Variants in FYCO1 observed in about 807,000 individuals in gnomAD.
The protein encoded by FYCO1 is FYVE and coiled-coil domain-containing protein 1.
Under a neutral mutation model 165.1 loss-of-function variants are expected in FYCO1, and 122 were observed. The observed-to-expected ratio is 0.74, with a 90% CI of 0.64 to 0.86. The LOEUF (loss-of-function observed/expected upper bound fraction) is 0.86, where lower values mean the gene tolerates loss of function less well. Ranked by LOEUF, FYCO1 falls within the 40% of genes least tolerant of loss-of-function variation. FYCO1 has a pLI of 0.00. For synonymous variants in FYCO1, 648 were observed against 742.5 expected (o/e 0.87, Z 2.07); for missense variants, 1,702 against 1,810.3 (o/e 0.94, Z 1.09).
intron 14 of FYCO1, among the ~76,000 whole-genome samples, chr3:45,937,738 G>A (rs1395984874): frequency 6.6e-6 from 1 of 152,202 alleles, no homozygotes; most frequent in East Asian, 1.9e-4. Context: ...TGCCACCAGG[G>A]GCATGTCTTG....
At chr3:45,940,412 G>A (rs754686038) in intron 14 of FYCO1, among the ~76,000 whole-genome samples, 5 of 152,178 alleles carry the variant, frequency 3.3e-5, no homozygotes, top group Admixed American at 1.3e-4. Context: ...CAGTTTAACC[G>A]GTATGTGACC....
chr3:45,925,226 C>G (rs951008247), intron 16 of FYCO1, among the ~76,000 whole-genome samples: 2 of 148,362 alleles, frequency 1.3e-5, no homozygotes. Flanking sequence ...CGGCGCCCAG[C>G]CCTTACATTT....
chr3:45,968,721 A>G lies in FYCO1; in HGVS notation c.631-18T>C, dbSNP rs764961259. ...TCTTGAGTCTGGGAGGGAAAACACA[A>G]AAGACAAGTGGCTTTAGGATGAAGC... On this transcript the variant is annotated intron_variant, in intron 7 of 17. Coordinates refer to ENST00000296137, the MANE Select transcript of FYCO1 (RefSeq NM_024513.4). The G allele has an allele frequency of 1.7e-5, 28 of 1,614,048 alleles. No individual in the cohort carries two copies. In the East Asian group the frequency reaches 4.9e-4, roughly 28 times the overall value.
rs1706147925 is a variant in FYCO1 at position 45,967,636 on chromosome 3, C to T, written c.1698G>A (p.Val566=). 1.2e-6 allele frequency: 2 copies of T among 1,613,808 alleles called. No homozygotes were observed. Among genetic ancestry groups the T allele is most frequent in the Non-Finnish European group, 1.7e-6 (2 of 1,180,028 alleles). ...CCAGGGCCTCATTCTTCTCACCTGC[C>T]ACTGGCAGTTCTGGGCCAGGCGGCC... ...LAGPPGPELP[V]AGEKNEALVP... The change falls in exon 8 of 18, where the codon GTG becomes GTA. Residue 566 remains valine, a synonymous_variant. Coordinates refer to ENST00000296137, the MANE Select transcript of FYCO1 (RefSeq NM_024513.4).
intron 5 of FYCO1, among the ~76,000 whole-genome samples, chr3:45,974,592 G>A (rs574695362): frequency 6.6e-6 from 1 of 152,150 alleles, no homozygotes; most frequent in African/African-American, 2.4e-5. Flanking sequence ...TACTCCAAAA[G>A]GAAAGGGGCC....
At chr3:45,929,517 G>A (rs151115997) in intron 16 of FYCO1, among the ~76,000 whole-genome samples, 39 of 152,310 alleles carry the variant, frequency 2.6e-4, no homozygotes, top group Middle Eastern at 3.4e-3. Flanking sequence ...GGGGCCTGGT[G>A]GGTCTGGGGA....
In FYCO1 at chr3:45,958,587, C is replaced by T. The variant is rs755841362; in HGVS notation, c.3620G>A (p.Cys1207Tyr). The T allele has an allele frequency of 3.1e-6, 5 of 1,614,120 alleles. No individual in the cohort carries two copies. The highest frequency in any genetic ancestry group is 4.2e-6 in the Non-Finnish European group (5 of 1,180,054). Residue 1207 changes from cysteine to tyrosine, a missense_variant, in exon 13 of 18, where the codon TGC (cysteine) becomes TAC (tyrosine). Cys to Tyr is a radical substitution (Grantham distance 194). Transcript: ENST00000296137. ...ICGRIFCYYC[C>Y]NNYVLSKHGG... ...GTGCTTGCTCAGGACGTAGTTGTTG[C>T]AGCAGTAGTAACAGAAGATGCGGCC...
At chr3:45,978,256 C>T (rs780863565) in intron 4 of FYCO1, among the ~76,000 whole-genome samples, 2 of 152,148 alleles carry the variant, frequency 1.3e-5, no homozygotes, top group Admixed American at 6.5e-5. Context: ...TCTGATGCAG[C>T]GGCTGAGGAA....
In FYCO1 at chr3:45,958,622, G is replaced by A. The variant is rs769248780; in HGVS notation, c.3588-3C>T. 1 of 1,614,092 alleles carries A rather than the reference G, an allele frequency of 6.2e-7. No individual in the cohort carries two copies. Among genetic ancestry groups the A allele is most frequent in the Non-Finnish European group, 8.5e-7 (1 of 1,179,958 alleles). Reference sequence around the variant, plus strand: ...AACAGAAGATGCGGCCACATATCCTGGGAACAAAACAAGCCCAGGCTGTGA... The same window carrying A: ...AACAGAAGATGCGGCCACATATCCTAGGAACAAAACAAGCCCAGGCTGTGA... On this transcript the variant is annotated splice_polypyrimidine_tract_variant and splice_region_variant and intron_variant, in intron 12 of 17. Coordinates refer to ENST00000296137, the MANE Select transcript of FYCO1 (RefSeq NM_024513.4).
rs1706172778 is a variant in FYCO1, at chr3:45,967,824, G to A, written c.1510C>T (p.Leu504=). 6.2e-7 allele frequency: 1 copy of A among 1,614,092 alleles called. No homozygotes were observed. The highest frequency in any genetic ancestry group is 8.5e-7 in the Non-Finnish European group (1 of 1,180,032). The change falls in exon 8 of 18, where the codon CTG becomes TTG. Residue 504 remains leucine, a synonymous_variant. Transcript: ENST00000296137. ...GTCAGAGACCTGACCTCCTGCTCCA[G>A]CAGCTCCTTCTCCTCCTGTTGCTGT... ...KKQQQEEKEL[L]EQEVRSLTRQ... is the part of the protein sequence containing the mutation.
chr3:45,944,322 G>A (rs1443756680), intron 14 of FYCO1, among the ~76,000 whole-genome samples: 2 of 152,048 alleles, frequency 1.3e-5, no homozygotes, highest in Non-Finnish European at 2.9e-5. Context: ...ATATCCTTTT[G>A]ACATCTATTT....
At chr3:45,984,694 G>T (rs772557468) in intron 2 of FYCO1, 162 bp downstream of exon 2, 47 of 736,984 alleles carry the variant, frequency 6.4e-5, no homozygotes, top group Non-Finnish European at 1.1e-4. Context: ...TACACAAGGT[G>T]GATATTTGAG....
At chr3:45,946,969 C>T in intron 14 of FYCO1, 6 of 1,614,214 alleles carry the variant, frequency 3.7e-6, no homozygotes, top group South Asian at 1.1e-5. Flanking sequence ...CTGCTGGTTT[C>T]CTTGCCCCAA....
chr3:45,977,161 T>C (rs1176871924), intron 4 of FYCO1, among the ~76,000 whole-genome samples: 1 of 151,948 alleles, frequency 6.6e-6, no homozygotes, highest in Non-Finnish European at 1.5e-5. Flanking sequence ...ATGTCAATTA[T>C]ACAAACACAC....
chr3:45,959,572 A>G, intron 11 of FYCO1, 30 bp from the exon 12 acceptor site: 1 of 1,606,620 alleles, frequency 6.2e-7, no homozygotes, highest in South Asian at 1.1e-5. Flanking sequence ...GAAGAAAAGG[A>G]GAGAGAATCC....
rs1308189288 is a variant in FYCO1 at position 45,967,063 on chromosome 3, G to A, written c.2271C>T (p.Gly757=). The change falls in exon 8 of 18, where the codon GGC becomes GGT. Residue 757 remains glycine (G), a synonymous_variant. Transcript: ENST00000296137. The part of the protein sequence containing the change: ...LTAEKGQQGV[G]PPTDNEAREL... ...CACGGGCTTCATTGTCAGTGGGTGG[G>A]CCAACTCCCTGTTGGCCTTTCTCTG... The A allele has an allele frequency of 1.2e-6, 2 of 1,613,662 alleles. No individual in the cohort carries two copies. Among genetic ancestry groups the A allele is most frequent in the Non-Finnish European group, 8.5e-7 (1 of 1,180,034 alleles).
chr3:45,950,286 C>G (rs1331774117), intron 14 of FYCO1, among the ~76,000 whole-genome samples: 1 of 152,094 alleles, frequency 6.6e-6, no homozygotes, highest in Non-Finnish European at 1.5e-5. Context: ...ACCAAGTTCC[C>G]AACACCTGGG....
rs1483554467 is a variant in FYCO1, at chr3:45,962,413, T to C, written c.3270-21A>G. 3.7e-6 allele frequency: 6 copies of C among 1,613,094 alleles called. No individual in the cohort carries two copies. Among genetic ancestry groups the C allele is most frequent in the Non-Finnish European group, 5.1e-6 (6 of 1,179,130 alleles). ...GGGTCCTGGGGGAGGAGTGGTAAGT[T>C]TTCTTGATTAGCCAGGACTTCCAGC... On this transcript the variant is annotated intron_variant, in intron 10 of 17. Transcript: ENST00000296137. The surrounding 1 kb of genome is among the most constrained non-coding windows in gnomAD (Gnocchi z 4.4).
intron 16 of FYCO1, among the ~76,000 whole-genome samples, chr3:45,926,922 C>T (rs1231820013): frequency 1.3e-5 from 2 of 151,408 alleles, no homozygotes; most frequent in Non-Finnish European, 2.9e-5. Flanking sequence ...TGAGATCGCG[C>T]CATTGCACTC....
Sources: allele counts gnomAD v4.1 joint callset (sites outside exome capture counted in the v4.1 genomes callset), GRCh38; gene constraint gnomAD v4.1.1; non-coding constraint Gnocchi (gnomAD v3.1); transcripts MANE v1.5; gene names NCBI Gene and HGNC (gene_info 2026-07-23, HGNC 2026-07-21).